FAM227A: variants seen among roughly 807,000 people sequenced by gnomAD.
The protein encoded by FAM227A is family with sequence similarity 227 member A.
A neutral mutation model predicts 74.7 loss-of-function variants in FAM227A; 80 were observed. That is an observed-to-expected ratio of 1.07 (90% CI 0.89 to 1.29). FAM227A has a LOEUF of 1.29. FAM227A is among the 50% of genes most tolerant of loss of function. The probability of loss-of-function intolerance (pLI) is 0.00; values close to 1 mark genes in which losing one functional copy is unlikely to be tolerated. For missense variants in FAM227A, 654 were observed against 683.4 expected (o/e 0.96, Z 0.48); for synonymous variants, 237 against 241.8 (o/e 0.98, Z 0.19).
At chr22:38,652,011 AC>A (rs1419654936) in intron 1 of FAM227A, among the ~76,000 whole-genome samples, 1 of 150,764 alleles carries the variant, frequency 6.6e-6, no homozygotes, top group Non-Finnish European at 1.5e-5. Flanking sequence ...ACGTGGTGAA[AC>A]GCCATCTCTA....
At chr22:38,646,215 T>C (rs1022298752) in intron 2 of FAM227A, among the ~76,000 whole-genome samples, 2 of 150,888 alleles carry the variant, frequency 1.3e-5, no homozygotes, top group Non-Finnish European at 3.0e-5. Flanking sequence ...CTAACAACTC[T>C]GTTAGGACTT....
At chr22:38,625,743 A>C (rs1305357164) in intron 9 of FAM227A, among the ~76,000 whole-genome samples, 1 of 152,130 alleles carries the variant, frequency 6.6e-6, no homozygotes, top group Non-Finnish European at 1.5e-5. Context: ...CAGGAGGTTG[A>C]GACCAGCCTG....
At chr22:38,652,012 C>A (rs777949369) in intron 1 of FAM227A, among the ~76,000 whole-genome samples, 4 of 151,326 alleles carry the variant, frequency 2.6e-5, no homozygotes, top group Non-Finnish European at 5.9e-5. Context: ...CGTGGTGAAA[C>A]GCCATCTCTA....
intron 11 of FAM227A, among the ~76,000 whole-genome samples, chr22:38,607,861 C>A (rs909773841): frequency 6.6e-6 from 1 of 152,160 alleles, no homozygotes; most frequent in African/African-American, 2.4e-5. Flanking sequence ...TGCTGTCACC[C>A]TTTATGCAAT....
At chr22:38,637,369 G>A (rs1283921190) in intron 5 of FAM227A, among the ~76,000 whole-genome samples, 2 of 151,940 alleles carry the variant, frequency 1.3e-5, no homozygotes, top group African/African-American at 4.8e-5. Context: ...CCTCCCTTTG[G>A]GGTTATTTAG....
intron 15 of FAM227A, among the ~76,000 whole-genome samples, chr22:38,594,825 A>G (rs2091008921): frequency 6.6e-6 from 1 of 151,758 alleles, no homozygotes; most frequent in Non-Finnish European, 1.5e-5. Context: ...AAGGCCAGGC[A>G]TGGTGGCTAA....
intron 1 of FAM227A, among the ~76,000 whole-genome samples, chr22:38,655,724 A>G (rs1033581408): frequency 2.0e-5 from 3 of 152,212 alleles, no homozygotes; most frequent in Admixed American, 2.0e-4. Context: ...CTATTGCACA[A>G]TGCTAAGCCA....
intron 11 of FAM227A, among the ~76,000 whole-genome samples, chr22:38,611,817 T>C (rs1209186385): frequency 6.6e-6 from 1 of 152,210 alleles, no homozygotes; most frequent in African/African-American, 2.4e-5. Flanking sequence ...TCCAGTCTTG[T>C]ATATTTACCC....
intron 6 of FAM227A, among the ~76,000 whole-genome samples, chr22:38,636,068 GAAA>G (rs1185033651): frequency 6.9e-6 from 1 of 144,172 alleles, no homozygotes; most frequent in Non-Finnish European, 1.5e-5. Flanking sequence ...AAGAAAGAAA[GAAA>G]AAAGAAAGGA....
At chr22:38,593,967 C>T (rs937159227) in intron 15 of FAM227A, among the ~76,000 whole-genome samples, 3 of 152,286 alleles carry the variant, frequency 2.0e-5, no homozygotes, top group South Asian at 4.2e-4. Flanking sequence ...GCTGGGATTA[C>T]AGGTGTGAGC....
intron 11 of FAM227A, among the ~76,000 whole-genome samples, chr22:38,610,061 C>T (rs2091379105): frequency 6.6e-6 from 1 of 152,142 alleles, no homozygotes; most frequent in Non-Finnish European, 1.5e-5. Context: ...GTGTGAGCCA[C>T]TGGGCCCGGC....
At chr22:38,592,674 C>T (rs566437387) in intron 15 of FAM227A, among the ~76,000 whole-genome samples, 4 of 152,256 alleles carry the variant, frequency 2.6e-5, no homozygotes, top group Admixed American at 2.6e-4. Flanking sequence ...ATCTTGAGAC[C>T]CTGTCACTAT....
chr22:38,613,272 T>TAATATATAACATATAA (rs1491274790), intron 11 of FAM227A, among the ~76,000 whole-genome samples: 2 of 72,666 alleles, frequency 2.8e-5, no homozygotes, highest in African/African-American at 1.2e-4. Context: ...ATAACATATA[T>TAATATATAACATATAA]TATATATCAT....
chr22:38,600,797 C>T (rs1034189125), intron 13 of FAM227A, among the ~76,000 whole-genome samples: 1 of 151,592 alleles, frequency 6.6e-6, no homozygotes, highest in Non-Finnish European at 1.5e-5. Context: ...ACTAAAAATA[C>T]AAAAATTAGC....
At chr22:38,610,423 T>C (rs1289335760) in intron 11 of FAM227A, among the ~76,000 whole-genome samples, 3 of 152,194 alleles carry the variant, frequency 2.0e-5, no homozygotes, top group Non-Finnish European at 4.4e-5. Context: ...CTAGACCCTC[T>C]TACTTGCTGG....
intron 16 of FAM227A, 91 bp downstream of exon 16, chr22:38,591,344 A>G: frequency 1.4e-6 from 2 of 1,467,470 alleles, no homozygotes; most frequent in Non-Finnish European, 1.8e-6. Context: ...ATAAAATAAA[A>G]TAATTATTAT....
At position 38,583,127 on chromosome 22, in the gene FAM227A, T is replaced by G. The variant is rs2090735973; in HGVS notation, c.*2998A>C. The G allele has an allele frequency of 3.1e-6, 2 of 642,122 alleles. No homozygotes were observed. The allele number at this position is 642,122 out of a possible 1,614,324, so 39.8% of individuals were successfully genotyped here. On this transcript the variant is annotated 3_prime_UTR_variant, in exon 17 of 17. Transcript: ENST00000535113. ...TGCTTATCTGCCCCACATGGTGCCT[T>G]GTACTCGGCAGGTGCTCACACGTTC...
intron 3 of FAM227A, among the ~76,000 whole-genome samples, chr22:38,643,112 C>T (rs890033851): frequency 1.3e-5 from 2 of 150,844 alleles, no homozygotes; most frequent in African/African-American, 2.4e-5. Context: ...GTCAGGAGGT[C>T]GAGACCAGCC....
At chr22:38,640,183 G>T (rs1032605432) in intron 3 of FAM227A, among the ~76,000 whole-genome samples, 8 of 151,954 alleles carry the variant, frequency 5.3e-5, no homozygotes, top group Non-Finnish European at 1.2e-4. Context: ...ACAGGCGCCT[G>T]CCACCACGCC....
Sources: gnomAD v4.1 joint callset for allele counts (sites outside exome capture counted in the v4.1 genomes callset) on GRCh38, gnomAD v4.1.1 for gene constraint, MANE v1.5 for transcripts, NCBI Gene and HGNC (gene_info 2026-07-23, HGNC 2026-07-21) for gene names.